XKR3: variants seen among roughly 807,000 people sequenced by gnomAD.
XKR3 encodes the protein XK related 3, also known as XK-related protein 3.
Under a neutral mutation model 40.3 loss-of-function variants are expected in XKR3, and 27 were observed. The ratio of observed to expected loss-of-function variants is 0.67; its 90% CI spans 0.49 to 0.92. The LOEUF is 0.92. XKR3 is among the 40% of genes least tolerant of loss of function. The probability of loss-of-function intolerance (pLI) is 0.00; values close to 1 mark genes in which losing one functional copy is unlikely to be tolerated. For synonymous variants in XKR3, 193 were observed against 195.4 expected, an observed-to-expected ratio of 0.99 and a Z score of 0.10; for missense variants, 472 against 537.6, an observed-to-expected ratio of 0.88 and a Z score of 1.21.
At chr22:16,803,234 T>C (rs1313402345) in intron 2 of XKR3, among the ~76,000 whole-genome samples, 1 of 152,136 alleles carries the variant, frequency 6.6e-6, no homozygotes, top group African/African-American at 2.4e-5. Context: ...TGCTATAGCC[T>C]GTCAAAAATG....
At chr22:16,801,370 G>C (rs531103458) in intron 2 of XKR3, among the ~76,000 whole-genome samples, 1 of 151,982 alleles carries the variant, frequency 6.6e-6, no homozygotes, top group Non-Finnish European at 1.5e-5. Flanking sequence ...ATGGTGAAAC[G>C]CTATCTCACC....
chr22:16,813,976 C>A (rs2060223206), intron 1 of XKR3, among the ~76,000 whole-genome samples: 1 of 152,104 alleles, frequency 6.6e-6, no homozygotes. Flanking sequence ...TATGATGTGA[C>A]AATATTTTTC....
At chr22:16,812,863 T>C (rs1236497727) in intron 1 of XKR3, among the ~76,000 whole-genome samples, 4 of 152,132 alleles carry the variant, frequency 2.6e-5, no homozygotes, top group Non-Finnish European at 5.9e-5. Context: ...CCATTTTCTG[T>C]CTCTGTGGAT....
chr22:16,807,497 T>C (rs2060194505), intron 2 of XKR3, among the ~76,000 whole-genome samples: 1 of 152,204 alleles, frequency 6.6e-6, no homozygotes, highest in Non-Finnish European at 1.5e-5. Flanking sequence ...ATACAACACA[T>C]ACATAGAAAG....
intron 3 of XKR3, among the ~76,000 whole-genome samples, chr22:16,797,485 A>G (rs1179650073): frequency 6.6e-6 from 1 of 152,170 alleles, no homozygotes; most frequent in Non-Finnish European, 1.5e-5. Flanking sequence ...CAAAACAAAT[A>G]ACTCTGTTAA....
intron 2 of XKR3, 152 bp downstream of exon 2, chr22:16,807,587 A>T: frequency 1.3e-6 from 1 of 757,930 alleles, no homozygotes; most frequent in Non-Finnish European, 2.1e-6. Context: ...AAATAGGAAC[A>T]GTTACGAAAG....
chr22:16,797,855 A>T (rs1249964288), intron 3 of XKR3, among the ~76,000 whole-genome samples: 1 of 151,602 alleles, frequency 6.6e-6, no homozygotes, highest in Non-Finnish European at 1.5e-5. Flanking sequence ...AAGACATACA[A>T]GTGTCCAACA....
In XKR3 at chr22:16,798,191, A is replaced by AC. The variant is rs895849977; in HGVS notation, c.589+1579_589+1580insG. On this transcript the variant is annotated intron_variant, in intron 3 of 3. Transcript: ENST00000684488. ...GTGAAACTCCATCTCAAAAAAAAAA[A>AC]AACAACAACAACAAAAACCCCCACA... Among the ~76,000 whole-genome samples, 10 of 150,460 alleles carry AC rather than the reference A, an allele frequency of 6.6e-5. 1 individual carries two copies. The highest frequency in any genetic ancestry group is 2.6e-4 in the Admixed American group (4 of 15,206).
intron 1 of XKR3, among the ~76,000 whole-genome samples, chr22:16,818,539 C>A (rs1246994592): frequency 6.6e-6 from 1 of 152,124 alleles, no homozygotes; most frequent in African/African-American, 2.4e-5. Flanking sequence ...CTACAAACAA[C>A]TACACAAAAC....
intron 3 of XKR3, among the ~76,000 whole-genome samples, chr22:16,792,250 C>A (rs894323139): frequency 7.0e-4 from 107 of 152,274 alleles, no homozygotes; most frequent in Non-Finnish European, 1.5e-3. Flanking sequence ...CCGGCCTACA[C>A]TGACACAATT....
intron 1 of XKR3, among the ~76,000 whole-genome samples, chr22:16,811,865 C>A (rs559392787): frequency 8.0e-4 from 121 of 151,958 alleles, no homozygotes; most frequent in Non-Finnish European, 1.1e-3. Context: ...AAAAATTATC[C>A]CAGCATGGTG....
chr22:16,820,040 G>T (rs1762774758), intron 1 of XKR3, among the ~76,000 whole-genome samples: 1 of 152,128 alleles, frequency 6.6e-6, no homozygotes, highest in South Asian at 2.1e-4. Context: ...AACACCAAAT[G>T]CTGGTGAAGA....
intron 1 of XKR3, among the ~76,000 whole-genome samples, chr22:16,811,988 G>T (rs538545956): frequency 5.3e-5 from 8 of 152,058 alleles, no homozygotes; most frequent in African/African-American, 1.7e-4. Flanking sequence ...CAGCCTGGGC[G>T]ACAGAGCAAG....
Position 16,783,489 on chromosome 22 carries a change from G to A in XKR3, c.*130C>T. On this transcript the variant is annotated 3_prime_UTR_variant, in exon 4 of 4. Coordinates refer to ENST00000684488, the MANE Select transcript of XKR3 (RefSeq NM_001386955.1). ...AAATTACTAAGGCACGTTCACAGGA[G>A]AACATAAATGAATTTTATTAGAAAC... 1.4e-6 allele frequency: 1 copy of A among 694,360 alleles called. No individual in the cohort carries two copies. Among genetic ancestry groups the A allele is most frequent in the Non-Finnish European group, 2.2e-6 (1 of 453,470 alleles). 43.0% of individuals were successfully genotyped at this position (694,360 alleles called of 1,614,324 possible). A position where few individuals can be genotyped will look rare whatever the true frequency, so the allele number is the denominator to read the frequency against.
At chr22:16,803,646 G>A (rs759106180) in intron 2 of XKR3, among the ~76,000 whole-genome samples, 1 of 152,150 alleles carries the variant, frequency 6.6e-6, no homozygotes, top group Non-Finnish European at 1.5e-5. Flanking sequence ...CAGTCAAAAT[G>A]CACGAAAACC....
At chr22:16,823,278 T>C (rs1310291928) in intron 1 of XKR3, among the ~76,000 whole-genome samples, 8 of 152,112 alleles carry the variant, frequency 5.3e-5, no homozygotes, top group Admixed American at 1.3e-4. Flanking sequence ...GAGATAGCAG[T>C]GTAGAGAAAA....
intron 3 of XKR3, among the ~76,000 whole-genome samples, chr22:16,790,746 T>C (rs2060112245): frequency 6.6e-6 from 1 of 152,028 alleles, no homozygotes; most frequent in South Asian, 2.1e-4. Flanking sequence ...AAATAAACAA[T>C]TCTCCGTAAA....
chr22:16,801,023 T>A (rs1214820890), intron 2 of XKR3, among the ~76,000 whole-genome samples: 1 of 151,986 alleles, frequency 6.6e-6, no homozygotes, highest in Non-Finnish European at 1.5e-5. Context: ...TACAAAAAAA[T>A]GTAGCAAAGA....
chr22:16,817,540 T>C (rs1470551477), intron 1 of XKR3, among the ~76,000 whole-genome samples: 1 of 152,128 alleles, frequency 6.6e-6, no homozygotes, highest in Non-Finnish European at 1.5e-5. Flanking sequence ...GGCTCAAATA[T>C]TCCAGCTAAA....
Sources: allele counts gnomAD v4.1 joint callset (sites outside exome capture counted in the v4.1 genomes callset), GRCh38; gene constraint gnomAD v4.1.1; transcripts MANE v1.5; gene names NCBI Gene and HGNC (gene_info 2026-07-23, HGNC 2026-07-21).